The following COMMD1 variants were observed in gnomAD, a reference collection of about 807,000 sequenced individuals.
The protein encoded by COMMD1 is copper metabolism domain containing 1, also known as COMM domain-containing protein 1.
A neutral mutation model predicts 17.2 loss-of-function variants in COMMD1; 10 were observed. The ratio of observed to expected loss-of-function variants is 0.58; its 90% CI spans 0.36 to 0.99. COMMD1 has a LOEUF of 0.99. COMMD1 is among the 50% of genes least tolerant of loss of function. The pLI is 0.01. For synonymous variants in COMMD1, 97 were observed against 91.6 expected, an observed-to-expected ratio of 1.06 and a Z score of -0.34; for missense variants, 270 against 231.8, an observed-to-expected ratio of 1.17 and a Z score of -1.07.
upstream of COMMD1, among the ~76,000 whole-genome samples, chr2:61,902,975 C>T (rs190372082): frequency 1.3e-5 from 2 of 152,084 alleles, no homozygotes; most frequent in African/African-American, 4.8e-5. Context: ...CTGCTTGCCA[C>T]CTTTTGATTT....
In COMMD1 at chr2:62,010,217, A is replaced by G. The variant is rs114560882; in HGVS notation, c.462+9235A>G. Among the ~76,000 whole-genome samples the G allele has an allele frequency of 5.5e-3, 834 of 152,222 alleles. 4 individuals carry two copies. The highest frequency in any genetic ancestry group is 0.011 in the South Asian group (51 of 4,820). On this transcript the variant is annotated intron_variant, in intron 2 of 2. Coordinates refer to ENST00000311832, the MANE Select transcript of COMMD1 (RefSeq NM_152516.4). ...ACTGGATCCATAATCAACATTTGAC[A>G]TACTTGAATTACCTTGTCTTTGAAA...
chr2:62,116,577 CAGG>C (rs1276731164), intron 2 of COMMD1, among the ~76,000 whole-genome samples: 1 of 145,448 alleles, frequency 6.9e-6, no homozygotes, highest in Non-Finnish European at 1.5e-5. Flanking sequence ...GAGGCTGAGG[CAGG>C]AGAATCACTT....
intron 1 of COMMD1, among the ~76,000 whole-genome samples, chr2:61,969,632 G>C (rs894298101): frequency 6.6e-6 from 1 of 152,144 alleles, no homozygotes; most frequent in African/African-American, 2.4e-5. Flanking sequence ...GTGCTTGTCA[G>C]TCTGTTTTCT....
At chr2:61,953,064 C>G (rs1270466677) in intron 1 of COMMD1, among the ~76,000 whole-genome samples, 2 of 152,288 alleles carry the variant, frequency 1.3e-5, no homozygotes, top group Admixed American at 6.5e-5. Flanking sequence ...GGCTGGAGTG[C>G]AGTGGCATGA....
At chr2:61,934,856 A>T (rs1377564105) in intron 1 of COMMD1, among the ~76,000 whole-genome samples, 3 of 152,178 alleles carry the variant, frequency 2.0e-5, no homozygotes, top group African/African-American at 7.2e-5. Context: ...AGGCTCAAGC[A>T]GTCCTCCTGC....
At chr2:62,114,852 C>T (rs778014010) in intron 2 of COMMD1, among the ~76,000 whole-genome samples, 19 of 152,100 alleles carry the variant, frequency 1.2e-4, no homozygotes, top group Non-Finnish European at 2.1e-4. Context: ...TTAGGAAGAT[C>T]GAGGAAGCAG....
At chr2:62,031,126 G>T (rs1159510651) in intron 2 of COMMD1, among the ~76,000 whole-genome samples, 3 of 152,184 alleles carry the variant, frequency 2.0e-5, no homozygotes, top group Admixed American at 1.3e-4. Context: ...ACTGATCATT[G>T]CCTCACTACT....
intron 1 of COMMD1, among the ~76,000 whole-genome samples, chr2:61,939,614 C>G (rs1303646908): frequency 6.6e-6 from 1 of 152,148 alleles, no homozygotes; most frequent in Non-Finnish European, 1.5e-5. Context: ...CTAAAAGACT[C>G]TTACTGAACT....
At chr2:62,022,850 A>T (rs765040726) in intron 2 of COMMD1, among the ~76,000 whole-genome samples, 4 of 152,210 alleles carry the variant, frequency 2.6e-5, no homozygotes, top group Admixed American at 1.3e-4. Context: ...TTAGAGTCCA[A>T]TGTAAGTGCT....
At chr2:62,052,933 G>A (rs533016442) in intron 2 of COMMD1, among the ~76,000 whole-genome samples, 4 of 152,134 alleles carry the variant, frequency 2.6e-5, no homozygotes, top group Non-Finnish European at 5.9e-5. Flanking sequence ...ACTGGGTGTG[G>A]TGGCATGCAC....
intron 2 of COMMD1, among the ~76,000 whole-genome samples, chr2:62,069,071 G>A (rs1054175420): frequency 2.6e-5 from 4 of 152,124 alleles, no homozygotes; most frequent in Admixed American, 6.5e-5. Flanking sequence ...GAGGATTTAC[G>A]AAAACTTTGC....
intron 1 of COMMD1, among the ~76,000 whole-genome samples, chr2:61,943,268 A>G (rs1038371642): frequency 3.3e-5 from 5 of 152,216 alleles, no homozygotes; most frequent in African/African-American, 1.2e-4. Flanking sequence ...ATGCCCTTCC[A>G]TTACACAACC....
rs1672904820 is a variant in COMMD1, at chr2:62,127,038, C to A, written c.463-8793C>A. On this transcript the variant is annotated intron_variant, in intron 2 of 2. Transcript: ENST00000311832. Reference sequence around the variant, plus strand: ...GCAACTTCAGCAAAGTCTCAGGATACAAAATCAGTGTGCAAAAGTCACAAG... The same window carrying A: ...GCAACTTCAGCAAAGTCTCAGGATAAAAAATCAGTGTGCAAAAGTCACAAG... 2.0e-5 allele frequency among the ~76,000 whole-genome samples: 3 copies of A among 152,248 alleles called. No homozygotes were observed. The South Asian group carries it at 6.2e-4, about 32-fold the overall frequency.
chr2:61,888,422 T>A, upstream of COMMD1: 1 of 1,612,834 alleles, frequency 6.2e-7, no homozygotes, highest in Non-Finnish European at 8.5e-7. Context: ...CTGGGCTGGC[T>A]TGTCGCGGTC....
At chr2:62,068,841 C>T (rs896711719) in intron 2 of COMMD1, among the ~76,000 whole-genome samples, 3 of 151,704 alleles carry the variant, frequency 2.0e-5, no homozygotes, top group Non-Finnish European at 4.4e-5. Context: ...ATGGGTTTCA[C>T]CATGTTAGCC....
chr2:62,066,699 C>T (rs1196886143), intron 2 of COMMD1, among the ~76,000 whole-genome samples: 1 of 148,854 alleles, frequency 6.7e-6, no homozygotes, highest in Non-Finnish European at 1.5e-5. Flanking sequence ...CCGCGCCTGG[C>T]CTAAAGCAAG....
intron 2 of COMMD1, among the ~76,000 whole-genome samples, chr2:62,062,520 G>A (rs1368530717): frequency 6.6e-6 from 1 of 152,032 alleles, no homozygotes; most frequent in African/African-American, 2.4e-5. Context: ...GAGCCACCAT[G>A]CCCGGCCTAG....
At chr2:61,959,300 A>G (rs138605615) in intron 1 of COMMD1, among the ~76,000 whole-genome samples, 1 of 151,850 alleles carries the variant, frequency 6.6e-6, no homozygotes, top group East Asian at 1.9e-4. Flanking sequence ...AGGAAAGGAA[A>G]TAATGCTAGG....
chr2:62,112,207 G>A (rs1217538528), intron 2 of COMMD1, among the ~76,000 whole-genome samples: 3 of 152,300 alleles, frequency 2.0e-5, no homozygotes, highest in African/African-American at 7.2e-5. Flanking sequence ...GGGTGGTCAT[G>A]TTGAATAAAG....
Sources: gnomAD v4.1 joint callset for allele counts (sites outside exome capture counted in the v4.1 genomes callset) on GRCh38, gnomAD v4.1.1 for gene constraint, MANE v1.5 for transcripts, NCBI Gene and HGNC (gene_info 2026-07-23, HGNC 2026-07-21) for gene names.